Variants in EPS15L1 observed in about 807,000 individuals in gnomAD.
The protein encoded by EPS15L1 is epidermal growth factor receptor pathway substrate 15 like 1.
EPS15L1 carries 43 observed loss-of-function variants against 117.1 expected under a neutral mutation model. That is an observed-to-expected ratio of 0.37 (90% CI 0.29 to 0.47). The LOEUF is 0.47. Ranked by LOEUF, EPS15L1 falls within the 20% of genes least tolerant of loss-of-function variation. EPS15L1 has a pLI of 0.99. For synonymous variants in EPS15L1, 459 were observed against 470.5 expected (o/e 0.98, Z 0.32); for missense variants, 981 against 1,164.0 (o/e 0.84, Z 2.29).
At chr19:16,384,899 G>A (rs1599557055) in intron 21 of EPS15L1, among the ~76,000 whole-genome samples, 2 of 152,330 alleles carry the variant, frequency 1.3e-5, no homozygotes, top group South Asian at 4.1e-4. Context: ...ACACCAGTGG[G>A]AGCCAGGGGA....
At chr19:16,432,004 G>T (rs76746645) in intron 7 of EPS15L1, among the ~76,000 whole-genome samples, 2,045 of 152,288 alleles carry the variant, frequency 0.013, 43 homozygotes, top group African/African-American at 0.047. Flanking sequence ...GCCGACTTTT[G>T]TATGTGCAGG....
intron 22 of EPS15L1, among the ~76,000 whole-genome samples, chr19:16,376,480 G>A (rs2092296980): frequency 6.6e-6 from 1 of 152,216 alleles, no homozygotes; most frequent in African/African-American, 2.4e-5. Context: ...CTGGCCATGG[G>A]GAAGAGGGGC....
At chr19:16,363,541 C>A (rs992867087) in intron 22 of EPS15L1, among the ~76,000 whole-genome samples, 3 of 152,202 alleles carry the variant, frequency 2.0e-5, no homozygotes, top group Admixed American at 6.5e-5. Context: ...ATTTTTGAGG[C>A]CCCAGGTGTC....
intron 1 of EPS15L1, among the ~76,000 whole-genome samples, chr19:16,465,774 C>G (rs1424833717): frequency 6.6e-6 from 1 of 152,096 alleles, no homozygotes; most frequent in Non-Finnish European, 1.5e-5. Flanking sequence ...AAAACTCAGA[C>G]TACATGATAT....
chr19:16,439,076 T>TG (rs1382033577), intron 4 of EPS15L1, among the ~76,000 whole-genome samples: 1 of 148,648 alleles, frequency 6.7e-6, no homozygotes, highest in Non-Finnish European at 1.5e-5. Context: ...TTTTTTCTGT[T>TG]TTTTTTTTTT....
At chr19:16,458,864 C>G (rs556071235) in intron 1 of EPS15L1, among the ~76,000 whole-genome samples, 1 of 152,236 alleles carries the variant, frequency 6.6e-6, no homozygotes, top group Non-Finnish European at 1.5e-5. Context: ...AAGATGCAGT[C>G]ATGCATCGTT....
At chr19:16,449,275 C>A (rs566426247) in intron 1 of EPS15L1, among the ~76,000 whole-genome samples, 36 of 146,116 alleles carry the variant, frequency 2.5e-4, no homozygotes, top group Middle Eastern at 3.5e-3. Flanking sequence ...AACAAACAAA[C>A]AAAAAAACAC....
intron 19 of EPS15L1, among the ~76,000 whole-genome samples, chr19:16,390,456 A>T (rs1391030864): frequency 6.6e-6 from 1 of 151,604 alleles, no homozygotes; most frequent in East Asian, 1.9e-4. Context: ...AGGACTAAAA[A>T]ACAAACAAAC....
chr19:16,465,926 T>C (rs2093300969), intron 1 of EPS15L1, among the ~76,000 whole-genome samples: 1 of 151,860 alleles, frequency 6.6e-6, no homozygotes, highest in South Asian at 2.1e-4. Flanking sequence ...CATGTCTGCC[T>C]GAGCTCACTG....
intron 8 of EPS15L1, 102 bp downstream of exon 8, chr19:16,428,583 GAAAAGAAAAGAAAAGAA>G (rs1219824066): frequency 1.2e-5 from 8 of 680,436 alleles, no homozygotes; most frequent in African/African-American, 4.0e-5. Flanking sequence ...GAAAGGAAAA[GAAAAGAAAAGAAAAGAA>G]AAAAGAAAAG....
At chr19:16,459,973 C>A (rs978551390) in intron 1 of EPS15L1, among the ~76,000 whole-genome samples, 5 of 152,222 alleles carry the variant, frequency 3.3e-5, no homozygotes, top group African/African-American at 9.7e-5. Context: ...CTCCCAACAT[C>A]TAGGATAGAA....
intron 20 of EPS15L1, 64 bp from the exon 21 acceptor site, chr19:16,385,275 A>T: frequency 7.3e-7 from 1 of 1,378,660 alleles, no homozygotes; most frequent in Non-Finnish European, 1.0e-6. Flanking sequence ...TCTGGGGTGG[A>T]GGGGAAATGC....
At chr19:16,454,254 A>G (rs2093173987) in intron 1 of EPS15L1, among the ~76,000 whole-genome samples, 3 of 152,252 alleles carry the variant, frequency 2.0e-5, no homozygotes, top group Admixed American at 6.5e-5. Context: ...CCATCAAAAC[A>G]GCAGAATGTT....
intron 13 of EPS15L1, among the ~76,000 whole-genome samples, chr19:16,409,207 G>T (rs557227360): frequency 6.6e-6 from 1 of 152,074 alleles, no homozygotes; most frequent in African/African-American, 2.4e-5. Flanking sequence ...CTCCAGCCTC[G>T]GCAACAGAGC....
intron 13 of EPS15L1, chr19:16,412,550 C>A (rs1239204594): frequency 6.6e-6 from 1 of 152,172 alleles, no homozygotes; most frequent in Non-Finnish European, 1.5e-5. Flanking sequence ...GTGGCTTACA[C>A]CTATAATCCT....
rs2092645334 is a variant in EPS15L1, at chr19:16,405,317, G to A, written c.1267-568C>T. On this transcript the variant is annotated intron_variant, in intron 13 of 23. Transcript: ENST00000455140. This position sits in a 1 kb window ranked among gnomAD's most constrained non-coding sequence, Gnocchi z 4.0. ...AAGGGAATGGGTGGAGGCATCAGAG[G>A]CTGCACCCCACAGGCCACGCCAAGG... Among the ~76,000 whole-genome samples the A allele has an allele frequency of 6.6e-6, 1 of 152,204 alleles. No homozygotes were observed. Among genetic ancestry groups the A allele is most frequent in the Non-Finnish European group, 1.5e-5 (1 of 68,030 alleles).
Position 16,355,366 on chromosome 19 carries a change from T to G in EPS15L1, c.*339A>C. The G allele has an allele frequency of 3.9e-6, 1 of 259,558 alleles. No individual in the cohort carries two copies. The allele number at this position is 259,558 out of a possible 1,614,324, so 16.1% of individuals were successfully genotyped here. A position where few individuals can be genotyped will look rare whatever the true frequency, so the allele number is the denominator to read the frequency against. ...GGGCGGGTGGGGATGTCTGCAGCTA[T>G]GAGTAGGGAGGAGGCGGGGAAGCCC... is the stretch of plus-strand genomic sequence containing the variant. On this transcript the variant is annotated 3_prime_UTR_variant, in exon 24 of 24. Coordinates refer to ENST00000455140, the MANE Select transcript of EPS15L1 (RefSeq NM_001258374.3).
chr19:16,458,138 G>A (rs926244776), intron 1 of EPS15L1, among the ~76,000 whole-genome samples: 3 of 152,110 alleles, frequency 2.0e-5, no homozygotes, highest in Non-Finnish European at 4.4e-5. Flanking sequence ...GTGGGGGGTG[G>A]CTCCCTGCCA....
At chr19:16,432,365 G>A (rs533197946) in intron 7 of EPS15L1, among the ~76,000 whole-genome samples, 123 of 152,208 alleles carry the variant, frequency 8.1e-4, no homozygotes, top group Non-Finnish European at 1.1e-3. Flanking sequence ...TCAGGAGATC[G>A]AGACCATCCT....
Sources: allele counts gnomAD v4.1 joint callset (sites outside exome capture counted in the v4.1 genomes callset), GRCh38; gene constraint gnomAD v4.1.1; non-coding constraint Gnocchi (gnomAD v3.1); transcripts MANE v1.5; gene names NCBI Gene and HGNC (gene_info 2026-07-23, HGNC 2026-07-21).